The following CLSTN2 variants were observed in gnomAD, a reference collection of about 807,000 sequenced individuals.
The protein encoded by CLSTN2 is calsyntenin 2, also known as calsyntenin-2.
CLSTN2 carries 48 observed loss-of-function variants against 101.2 expected under a neutral mutation model. The observed-to-expected ratio is 0.47, with a 90% CI of 0.38 to 0.60. The LOEUF (loss-of-function observed/expected upper bound fraction) is 0.60. Among genes scored for constraint, CLSTN2 ranks in the 20% least tolerant of loss-of-function variants. The pLI, the probability that CLSTN2 is intolerant of heterozygous loss-of-function variation, is 0.00. For missense variants in CLSTN2, 1,160 were observed against 1,238.2 expected, an observed-to-expected ratio of 0.94 and a Z score of 0.95; for synonymous variants, 481 against 463.6, an observed-to-expected ratio of 1.04 and a Z score of -0.48.
chr3:140,556,719 C>A (rs973160069), intron 11 of CLSTN2, 58 bp downstream of exon 11: 6 of 1,553,168 alleles, frequency 3.9e-6, no homozygotes, highest in South Asian at 1.1e-5. Flanking sequence ...AAGGTCCCAA[C>A]TGAGGTCCCT....
At chr3:139,982,757 T>C (rs767073496) in intron 1 of CLSTN2, among the ~76,000 whole-genome samples, 5 of 152,122 alleles carry the variant, frequency 3.3e-5, no homozygotes, top group Non-Finnish European at 7.4e-5. Context: ...GTAACCTGAA[T>C]AGAATAGAGA....
At chr3:140,430,873 G>A (rs1383080819) in intron 5 of CLSTN2, among the ~76,000 whole-genome samples, 1 of 152,164 alleles carries the variant, frequency 6.6e-6, no homozygotes, top group Non-Finnish European at 1.5e-5. Flanking sequence ...ATCTCACAGC[G>A]GTAAATGGTA....
intron 8 of CLSTN2, among the ~76,000 whole-genome samples, chr3:140,467,392 C>T (rs1428591426): frequency 1.3e-5 from 2 of 152,158 alleles, no homozygotes; most frequent in Non-Finnish European, 2.9e-5. Context: ...CATCAGGAAG[C>T]GTCTGTGTAG....
intron 2 of CLSTN2, among the ~76,000 whole-genome samples, chr3:140,213,036 G>A (rs1184780471): frequency 6.6e-6 from 1 of 152,186 alleles, no homozygotes; most frequent in East Asian, 1.9e-4. Flanking sequence ...CCATCATCAA[G>A]CAATTAAACT....
chr3:140,415,232 A>G (rs991512701), intron 4 of CLSTN2, among the ~76,000 whole-genome samples: 32 of 152,062 alleles, frequency 2.1e-4, no homozygotes, highest in Non-Finnish European at 4.4e-5. Context: ...AACTATAAAA[A>G]CCCTAGAAGA....
chr3:140,280,841 G>C (rs1365879735), intron 2 of CLSTN2, among the ~76,000 whole-genome samples: 1 of 152,140 alleles, frequency 6.6e-6, no homozygotes, highest in Non-Finnish European at 1.5e-5. Flanking sequence ...GGTCAGCCTG[G>C]GACTTTGTAA....
At chr3:139,952,489 T>G (rs1393964202) in intron 1 of CLSTN2, among the ~76,000 whole-genome samples, 4 of 152,200 alleles carry the variant, frequency 2.6e-5, no homozygotes, top group African/African-American at 9.6e-5. Flanking sequence ...TTGGGAATTT[T>G]TTAGAACGTG....
At chr3:140,331,489 C>T (rs1030380959) in intron 2 of CLSTN2, among the ~76,000 whole-genome samples, 6 of 152,142 alleles carry the variant, frequency 3.9e-5, no homozygotes, top group African/African-American at 1.4e-4. Flanking sequence ...CAGGCCACAC[C>T]CTGAAGTGCC....
chr3:139,948,923 G>C (rs1935252130), intron 1 of CLSTN2, among the ~76,000 whole-genome samples: 1 of 152,208 alleles, frequency 6.6e-6, no homozygotes, highest in Non-Finnish European at 1.5e-5. Flanking sequence ...CAGTGTTGGA[G>C]TGAGCAAATG....
chr3:140,496,755 C>A (rs1379609275), intron 8 of CLSTN2, among the ~76,000 whole-genome samples: 1 of 152,078 alleles, frequency 6.6e-6, no homozygotes, highest in African/African-American at 2.4e-5. Flanking sequence ...TGTCTGGAGA[C>A]CCCTGTTGGG....
intron 6 of CLSTN2, among the ~76,000 whole-genome samples, chr3:140,451,948 G>GGTCTA: frequency 6.6e-6 from 1 of 152,324 alleles, no homozygotes; most frequent in Middle Eastern, 3.4e-3. Flanking sequence ...AAGAGATAAT[G>GGTCTA]AGTTCTGAAC....
intron 5 of CLSTN2, among the ~76,000 whole-genome samples, chr3:140,437,862 A>G (rs2088704216): frequency 6.6e-6 from 1 of 152,236 alleles, no homozygotes; most frequent in African/African-American, 2.4e-5. Flanking sequence ...TTAATGCAGT[A>G]TTGTCAATAT....
At chr3:140,077,598 C>G (rs910977661) in intron 1 of CLSTN2, among the ~76,000 whole-genome samples, 1 of 152,122 alleles carries the variant, frequency 6.6e-6, no homozygotes, top group Non-Finnish European at 1.5e-5. Context: ...GTCAGGAAGG[C>G]CTGCCCTGTA....
At chr3:140,058,661 C>T (rs2008141545) in intron 1 of CLSTN2, among the ~76,000 whole-genome samples, 3 of 152,036 alleles carry the variant, frequency 2.0e-5, no homozygotes, top group Admixed American at 1.3e-4. Context: ...TCCTGGTGAA[C>T]AGTTTTTGTC....
chr3:140,079,771 A>T (rs749937989), intron 1 of CLSTN2, among the ~76,000 whole-genome samples: 9 of 151,684 alleles, frequency 5.9e-5, no homozygotes, highest in Non-Finnish European at 1.0e-4. Flanking sequence ...AGAAAGAAAA[A>T]AAAGAAAGAA....
chr3:140,183,738 A>G (rs1361985576), intron 2 of CLSTN2, among the ~76,000 whole-genome samples: 1 of 152,200 alleles, frequency 6.6e-6, no homozygotes, highest in African/African-American at 2.4e-5. Context: ...ACACAACAGC[A>G]CTGAAAATTA....
At chr3:140,113,349 T>C (rs964367815) in intron 1 of CLSTN2, among the ~76,000 whole-genome samples, 3 of 152,284 alleles carry the variant, frequency 2.0e-5, no homozygotes, top group Non-Finnish European at 2.9e-5. Flanking sequence ...CTGCAGACTG[T>C]GTGCAGACCC....
chr3:140,295,844 G>A (rs1164716468), intron 2 of CLSTN2, among the ~76,000 whole-genome samples: 2 of 152,098 alleles, frequency 1.3e-5, no homozygotes, highest in South Asian at 2.1e-4. Flanking sequence ...GTGAGTGGAG[G>A]GTTCATAAGC....
At chr3:139,995,347 A>G (rs968827789) in intron 1 of CLSTN2, among the ~76,000 whole-genome samples, 1 of 152,186 alleles carries the variant, frequency 6.6e-6, no homozygotes, top group Admixed American at 6.5e-5. Flanking sequence ...GTCAAGTTAA[A>G]TACGCTATTG....
Sources: gnomAD v4.1 joint callset for allele counts (sites outside exome capture counted in the v4.1 genomes callset) on GRCh38, gnomAD v4.1.1 for gene constraint, MANE v1.5 for transcripts, NCBI Gene and HGNC (gene_info 2026-07-23, HGNC 2026-07-21) for gene names.